KAZN: variants seen among roughly 807,000 people sequenced by gnomAD.
The protein encoded by KAZN is kazrin, periplakin interacting protein.
In KAZN, 40 loss-of-function variants were observed where a neutral mutation model predicts 87.4. That is an observed-to-expected ratio of 0.46 (90% CI 0.36 to 0.60). The LOEUF (loss-of-function observed/expected upper bound fraction) is 0.60, where lower values mean the gene tolerates loss of function less well. KAZN is among the 20% of genes least tolerant of loss of function. KAZN has a pLI of 0.00. For missense variants in KAZN, 898 were observed against 1,073.9 expected (o/e 0.84, Z 2.29); for synonymous variants, 466 against 458.3 (o/e 1.02, Z -0.22).
intron 2 of KAZN, among the ~76,000 whole-genome samples, chr1:14,255,045 G>A (rs541131804): frequency 5.3e-5 from 8 of 151,074 alleles, no homozygotes; most frequent in Non-Finnish European, 8.9e-5. Flanking sequence ...TGCTTGAACC[G>A]GGAGGCAGAG....
intron 1 of KAZN, among the ~76,000 whole-genome samples, chr1:14,653,137 T>C (rs770969369): frequency 1.1e-4 from 16 of 152,208 alleles, no homozygotes; most frequent in Non-Finnish European, 1.9e-4. Flanking sequence ...TCATTTCTCC[T>C]TTGGAGGGTG....
At chr1:14,380,136 G>A (rs1661250352) in intron 2 of KAZN, among the ~76,000 whole-genome samples, 2 of 152,244 alleles carry the variant, frequency 1.3e-5, no homozygotes, top group African/African-American at 2.4e-5. Context: ...GTACCTCTGT[G>A]AGGCTGCAAG....
chr1:14,437,781 G>A (rs748706878), intron 2 of KAZN, among the ~76,000 whole-genome samples: 10 of 152,086 alleles, frequency 6.6e-5, no homozygotes, highest in Admixed American at 1.3e-4. Context: ...AGACATGCAC[G>A]GTACCTCCCC....
intron 2 of KAZN, among the ~76,000 whole-genome samples, chr1:14,315,194 C>T (rs1339273852): frequency 1.3e-5 from 2 of 152,000 alleles, no homozygotes; most frequent in Admixed American, 6.6e-5. Context: ...CTTTATCTGT[C>T]TCCAAAACCA....
chr1:14,149,924 T>C (rs1645437694), intron 1 of KAZN, among the ~76,000 whole-genome samples: 1 of 152,156 alleles, frequency 6.6e-6, no homozygotes, highest in Admixed American at 6.5e-5. Flanking sequence ...GATGAAAATA[T>C]TATATATTCT....
intron 1 of KAZN, among the ~76,000 whole-genome samples, chr1:14,659,099 A>G (rs6429672): frequency 0.5 from 75,607 of 151,850 alleles, 19,375 homozygotes; most frequent in Middle Eastern, 0.63. Flanking sequence ...TTACCTGGGC[A>G]TGGCGGTGCA....
intron 2 of KAZN, among the ~76,000 whole-genome samples, chr1:14,431,552 A>G (rs576690222): frequency 3.3e-5 from 5 of 152,270 alleles, no homozygotes; most frequent in South Asian, 2.1e-4. Context: ...TTGACATTTG[A>G]GTCGGTGGAC....
intron 1 of KAZN, among the ~76,000 whole-genome samples, chr1:14,700,270 G>A (rs966870658): frequency 4.6e-5 from 7 of 152,088 alleles, no homozygotes; most frequent in African/African-American, 1.7e-4. Context: ...TCAGGAGTTT[G>A]AGACCAGCCT....
At chr1:14,425,163 G>T (rs1665652269) in intron 2 of KAZN, among the ~76,000 whole-genome samples, 1 of 152,148 alleles carries the variant, frequency 6.6e-6, no homozygotes, top group Admixed American at 6.5e-5. Context: ...GAACCCAGCT[G>T]GGCAGGGGCT....
At chr1:14,274,072 G>A (rs759113161) in intron 2 of KAZN, among the ~76,000 whole-genome samples, 9 of 152,068 alleles carry the variant, frequency 5.9e-5, no homozygotes, top group Non-Finnish European at 1.2e-4. Flanking sequence ...ACACACAAAG[G>A]CTGCAGCACC....
intron 2 of KAZN, among the ~76,000 whole-genome samples, chr1:14,361,350 T>C (rs1281252180): frequency 6.6e-6 from 1 of 152,250 alleles, no homozygotes; most frequent in Non-Finnish European, 1.5e-5. Flanking sequence ...TTCAAGCCAG[T>C]GGATCTTAGC....
intron 1 of KAZN, among the ~76,000 whole-genome samples, chr1:14,003,199 G>A (rs1639876707): frequency 6.6e-6 from 1 of 151,896 alleles, no homozygotes; most frequent in African/African-American, 2.4e-5. Flanking sequence ...ACCAGGGCCT[G>A]TTAGGGGGTC....
chr1:14,575,839 A>G (rs1468900132), intron 2 of KAZN, among the ~76,000 whole-genome samples: 2 of 152,176 alleles, frequency 1.3e-5, no homozygotes, highest in Non-Finnish European at 2.9e-5. Context: ...TGCTAGCCTG[A>G]AAGCTTCTGG....
intron 1 of KAZN, among the ~76,000 whole-genome samples, chr1:14,830,812 G>A (rs1647030578): frequency 6.6e-6 from 1 of 152,116 alleles, no homozygotes; most frequent in African/African-American, 2.4e-5. Flanking sequence ...ACAACACTGG[G>A]GATTACAGTT....
Position 14,809,591 on chromosome 1 carries a change from G to A in KAZN, c.227-151093G>A, listed in dbSNP as rs548953746. Among the ~76,000 whole-genome samples, 248 of 152,286 alleles carry A rather than the reference G, an allele frequency of 1.6e-3. 2 individuals are homozygous for A. The highest frequency in any genetic ancestry group is 5.3e-3 in the African/African-American group (221 of 41,560). The stretch of plus-strand genomic sequence containing the variant: ...AGTGCCCTATTCTGAAAGTATTTCC[G>A]AATACAATTGTCTCCAGAGCTGGCT... On this transcript the variant is annotated intron_variant, in intron 1 of 14. Transcript: ENST00000376030.
intron 2 of KAZN, among the ~76,000 whole-genome samples, chr1:14,972,608 G>A (rs1033571063): frequency 6.0e-5 from 9 of 151,220 alleles, no homozygotes; most frequent in African/African-American, 1.9e-4. Context: ...CCTGCCTCCC[G>A]AGTTCCGGCG....
chr1:14,290,635 C>T (rs1266116763), intron 2 of KAZN, among the ~76,000 whole-genome samples: 1 of 152,268 alleles, frequency 6.6e-6, no homozygotes, highest in South Asian at 2.1e-4. Context: ...CCTCCTTCAG[C>T]TTGGAGAAGT....
chr1:14,689,375 C>T, intron 1 of KAZN, among the ~76,000 whole-genome samples: 1 of 152,160 alleles, frequency 6.6e-6, no homozygotes, highest in Admixed American at 6.5e-5. Context: ...GAGGGTCTTT[C>T]TCCCATTCGC....
At chr1:15,017,962 A>G (rs1156673874) in intron 2 of KAZN, among the ~76,000 whole-genome samples, 1 of 152,214 alleles carries the variant, frequency 6.6e-6, no homozygotes, top group African/African-American at 2.4e-5. Flanking sequence ...ATTTTCACAT[A>G]TACTAACTTA....
Sources: gnomAD v4.1 joint callset for allele counts (sites outside exome capture counted in the v4.1 genomes callset) on GRCh38, gnomAD v4.1.1 for gene constraint, MANE v1.5 for transcripts, NCBI Gene and HGNC (gene_info 2026-07-23, HGNC 2026-07-21) for gene names.